Variants in BCHE observed in about 807,000 individuals in gnomAD.
BCHE encodes the protein cholinesterase.
A neutral mutation model predicts 51.3 loss-of-function variants in BCHE; 48 were observed. The observed-to-expected ratio is 0.94, with a 90% CI of 0.74 to 1.19. BCHE has a LOEUF of 1.19. BCHE is among the 50% of genes most tolerant of loss of function. The pLI is 0.00. For missense variants in BCHE, 847 were observed against 708.2 expected, an observed-to-expected ratio of 1.20 and a Z score of -2.23; for synonymous variants, 251 against 238.0, an observed-to-expected ratio of 1.05 and a Z score of -0.50.
chr3:165,793,757 C>T (rs1043543875), intron 2 of BCHE, among the ~76,000 whole-genome samples: 1 of 152,280 alleles, frequency 6.6e-6, no homozygotes, highest in Non-Finnish European at 1.5e-5. Flanking sequence ...CAGTGTCTCA[C>T]GTGCAAACCA....
At chr3:165,778,362 T>TATGTTGATGC (rs1337524311) in intron 3 of BCHE, 2 of 160,124 alleles carry the variant, frequency 1.2e-5, no homozygotes, top group Non-Finnish European at 2.8e-5. Flanking sequence ...CATATAATAT[T>TATGTTGATGC]CTTACAATCT....
At position 165,829,517 on chromosome 3, in the gene BCHE, C is replaced by T. The variant is rs532499978; in HGVS notation, c.1517G>A (p.Gly506Glu). The change falls in exon 2 of 4, where the codon GGG becomes GAG. Residue 506 changes from glycine (G) to glutamate (E), a missense_variant and splice_region_variant. By Grantham distance (98) the Gly-to-Glu change is moderately conservative (BLOSUM62 -2). Transcript: ENST00000264381. ...AACAATGACAAAAATCAGCACTTAC[C>T]CATATTTTGCAAAATTTGCCCACCG... ...VKRWANFAKYGNPNETQNNST... is the reference protein window; with the variant it reads ...VKRWANFAKYENPNETQNNST... The T allele has an allele frequency of 1.2e-6, 2 of 1,612,376 alleles. No individual in the cohort carries two copies.
Position 165,773,160 on chromosome 3 carries a change from G to T in BCHE, c.*222C>A. On this transcript the variant is annotated 3_prime_UTR_variant, in exon 4 of 4. Coordinates refer to ENST00000264381, the MANE Select transcript of BCHE (RefSeq NM_000055.4). ...TGTTTTAATATGCACATAATTAACTGTAGAACTTTATATTGTGAAATTTAA... is the reference window on the plus strand; with the variant it reads ...TGTTTTAATATGCACATAATTAACTTTAGAACTTTATATTGTGAAATTTAA... The T allele has an allele frequency of 2.3e-6, 1 of 435,796 alleles. No homozygotes were observed. Among genetic ancestry groups the T allele is most frequent in the Non-Finnish European group, 4.1e-6 (1 of 245,444 alleles). 27.0% of individuals were successfully genotyped at this position (435,796 alleles called of 1,614,324 possible).
intron 2 of BCHE, among the ~76,000 whole-genome samples, chr3:165,805,648 TA>T (rs1471733680): frequency 1.3e-5 from 2 of 152,212 alleles, no homozygotes; most frequent in Non-Finnish European, 2.9e-5. Context: ...AGCAATAACC[TA>T]AATCATTAAA....
intron 2 of BCHE, among the ~76,000 whole-genome samples, chr3:165,819,343 G>T (rs145058630): frequency 6.6e-6 from 1 of 152,010 alleles, no homozygotes; most frequent in East Asian, 1.9e-4. Flanking sequence ...CTCCCAAAGT[G>T]CTGGGATTAC....
intron 2 of BCHE, among the ~76,000 whole-genome samples, chr3:165,789,050 A>T (rs1321113514): frequency 6.6e-6 from 1 of 152,202 alleles, no homozygotes; most frequent in East Asian, 1.9e-4. Context: ...TTTTTATTTC[A>T]AAATTATAAC....
intron 2 of BCHE, among the ~76,000 whole-genome samples, chr3:165,806,376 C>T (rs1054015784): frequency 6.6e-6 from 1 of 152,082 alleles, no homozygotes; most frequent in African/African-American, 2.4e-5. Context: ...CTGAGTTTCT[C>T]CTATGTTGTA....
chr3:165,794,628 C>T (rs1193469095), intron 2 of BCHE, among the ~76,000 whole-genome samples: 1 of 152,164 alleles, frequency 6.6e-6, no homozygotes, highest in Non-Finnish European at 1.5e-5. Context: ...GCTCTACGCT[C>T]ATCACCTAAT....
In BCHE at chr3:165,804,317, A is replaced by G. The variant is rs571301374; in HGVS notation, c.1518-18006T>C. On this transcript the variant is annotated intron_variant, in intron 2 of 3. Transcript: ENST00000264381. ...ATTAGTGAGTTTTGCTGTCAAGAAG[A>G]GTATGAAAATGGGAAAGTAGCTATT... Among the ~76,000 whole-genome samples the G allele has an allele frequency of 1.1e-3, 167 of 152,298 alleles. 1 individual carries two copies. Among genetic ancestry groups the G allele is most frequent in the African/African-American group, 3.7e-3 (152 of 41,558 alleles).
chr3:165,807,608 G>A (rs1713916273), intron 2 of BCHE, among the ~76,000 whole-genome samples: 1 of 151,832 alleles, frequency 6.6e-6, no homozygotes, highest in Non-Finnish European at 1.5e-5. Context: ...CTGGAGTGCA[G>A]TGGCATGATC....
At chr3:165,780,615 C>A (rs927532932) in intron 3 of BCHE, among the ~76,000 whole-genome samples, 2 of 152,152 alleles carry the variant, frequency 1.3e-5, no homozygotes, top group Non-Finnish European at 2.9e-5. Context: ...CGAACAGACA[C>A]TTCTCAAAAG....
rs538947339 is a variant in BCHE, at chr3:165,787,824, C to T, written c.1518-1513G>A. On this transcript the variant is annotated intron_variant, in intron 2 of 3. Transcript: ENST00000264381. The stretch of plus-strand genomic sequence containing the variant: ...TTTACTACTCTTGAGGAACTTTTGA[C>T]TAAATGGCTAGTGTGAGCATAATAT... 5.3e-5 allele frequency among the ~76,000 whole-genome samples: 8 copies of T among 151,988 alleles called. No individual in the cohort carries two copies. The East Asian group carries it at 1.5e-3, about 29-fold the overall frequency.
At chr3:165,776,911 A>G (rs1282463434) in intron 3 of BCHE, among the ~76,000 whole-genome samples, 1 of 151,804 alleles carries the variant, frequency 6.6e-6, no homozygotes, top group Non-Finnish European at 1.5e-5. Context: ...GTCACATAGT[A>G]TTTATCCATT....
In BCHE at chr3:165,795,334, G is replaced by C. The variant is rs149729734; in HGVS notation, c.1518-9023C>G. On this transcript the variant is annotated intron_variant, in intron 2 of 3. Coordinates refer to ENST00000264381, the MANE Select transcript of BCHE (RefSeq NM_000055.4). ...CTAAAATCTAACTCAGATTTTCCAA[G>C]GCCCACTTATATTCTCCATCTTGAC... is the stretch of plus-strand genomic sequence containing the variant. Among the ~76,000 whole-genome samples the C allele has an allele frequency of 1.1e-4, 17 of 152,070 alleles. No homozygotes were observed. The East Asian group carries it at 2.9e-3, about 26-fold the overall frequency.
At chr3:165,814,549 A>G (rs925176496) in intron 2 of BCHE, among the ~76,000 whole-genome samples, 1 of 152,084 alleles carries the variant, frequency 6.6e-6, no homozygotes, top group South Asian at 2.1e-4. Context: ...CTGCCTAGCC[A>G]AGGGCCAATC....
At chr3:165,775,699 G>A (rs766203889) in intron 3 of BCHE, among the ~76,000 whole-genome samples, 19 of 151,816 alleles carry the variant, frequency 1.3e-4, no homozygotes, top group Middle Eastern at 7.8e-3. Flanking sequence ...CTTATCAAAT[G>A]TCTATACAAT....
intron 2 of BCHE, among the ~76,000 whole-genome samples, chr3:165,803,028 C>T (rs906858477): frequency 6.6e-6 from 1 of 152,098 alleles, no homozygotes; most frequent in East Asian, 1.9e-4. Flanking sequence ...CGTGAGCCAC[C>T]GCTCCGGCCA....
At chr3:165,808,162 T>G (rs1275532414) in intron 2 of BCHE, among the ~76,000 whole-genome samples, 1 of 152,034 alleles carries the variant, frequency 6.6e-6, no homozygotes, top group Non-Finnish European at 1.5e-5. Flanking sequence ...TTTTGGTATT[T>G]TTTTAGTAGA....
intron 2 of BCHE, among the ~76,000 whole-genome samples, chr3:165,817,692 C>G (rs1016065131): frequency 7.9e-5 from 12 of 152,034 alleles, no homozygotes; most frequent in African/African-American, 2.4e-4. Context: ...CAAATGATAA[C>G]ACATTCTATC....
Sources: allele counts gnomAD v4.1 joint callset (sites outside exome capture counted in the v4.1 genomes callset), GRCh38; gene constraint gnomAD v4.1.1; transcripts MANE v1.5; gene names NCBI Gene and HGNC (gene_info 2026-07-23, HGNC 2026-07-21).